The following SSBP2 variants were observed in gnomAD, a reference collection of about 807,000 sequenced individuals.
The protein encoded by SSBP2 is single-stranded DNA-binding protein 2.
Under a neutral mutation model 61.8 loss-of-function variants are expected in SSBP2, and 17 were observed. That is an observed-to-expected ratio of 0.28 (90% confidence interval 0.19 to 0.41). The LOEUF is 0.41. SSBP2 is among the 10% of genes least tolerant of loss of function. The pLI is 1.00. For missense variants in SSBP2, 310 were observed against 458.7 expected, an observed-to-expected ratio of 0.68 and a Z score of 2.96; for synonymous variants, 139 against 141.3, an observed-to-expected ratio of 0.98 and a Z score of 0.12.
chr5:81,466,889 T>G, intron 9 of SSBP2, 85 bp downstream of exon 9: 1 of 820,504 alleles, frequency 1.2e-6, no homozygotes, highest in South Asian at 3.3e-5. Flanking sequence ...ATAGAACACT[T>G]TACTAAATAG....
intron 10 of SSBP2, among the ~76,000 whole-genome samples, chr5:81,458,346 G>GT (rs1296909509): frequency 6.6e-6 from 1 of 152,114 alleles, no homozygotes; most frequent in Non-Finnish European, 1.5e-5. Context: ...TTATGTGTTA[G>GT]TTTTTTAGGA....
At chr5:81,482,318 G>C (rs1766052097) in intron 6 of SSBP2, among the ~76,000 whole-genome samples, 1 of 152,104 alleles carries the variant, frequency 6.6e-6, no homozygotes, top group Non-Finnish European at 1.5e-5. Flanking sequence ...AAGGTCACCA[G>C]TTGTATTACC....
chr5:81,593,929 T>A (rs1231270900), intron 4 of SSBP2, among the ~76,000 whole-genome samples: 1 of 152,168 alleles, frequency 6.6e-6, no homozygotes, highest in African/African-American at 2.4e-5. Flanking sequence ...AGAAACTGCA[T>A]CAACTAACGA....
At chr5:81,474,293 C>A (rs1175966448) in intron 7 of SSBP2, among the ~76,000 whole-genome samples, 1 of 152,062 alleles carries the variant, frequency 6.6e-6, no homozygotes, top group African/African-American at 2.4e-5. Context: ...CTCATGTATT[C>A]TTTTTCTTAT....
intron 1 of SSBP2, among the ~76,000 whole-genome samples, chr5:81,708,712 T>C (rs954851138): frequency 3.3e-5 from 5 of 151,990 alleles, no homozygotes; most frequent in African/African-American, 1.2e-4. Flanking sequence ...CTTTAGTCTG[T>C]ATGTATGGGC....
At chr5:81,701,109 T>C (rs1753952947) in intron 1 of SSBP2, among the ~76,000 whole-genome samples, 1 of 152,210 alleles carries the variant, frequency 6.6e-6, no homozygotes, top group Non-Finnish European at 1.5e-5. Context: ...TTTCTAGCTT[T>C]TGATTTAAAG....
chr5:81,677,502 C>T (rs551024144), intron 1 of SSBP2, among the ~76,000 whole-genome samples: 4 of 152,046 alleles, frequency 2.6e-5, no homozygotes, highest in African/African-American at 7.2e-5. Flanking sequence ...GGAGGCTCAG[C>T]GTGGACAAGT....
intron 4 of SSBP2, among the ~76,000 whole-genome samples, chr5:81,550,546 G>C (rs2154128947): frequency 6.6e-6 from 1 of 152,194 alleles, no homozygotes; most frequent in African/African-American, 2.4e-5. Flanking sequence ...TCCATTCTTT[G>C]ACCTTTGTTT....
At chr5:81,533,553 T>C (rs773864045) in intron 4 of SSBP2, among the ~76,000 whole-genome samples, 9 of 152,054 alleles carry the variant, frequency 5.9e-5, no homozygotes, top group South Asian at 2.1e-4. Context: ...TTACGCCATG[T>C]AAGAACTTGG....
chr5:81,509,598 T>A (rs912332170), intron 5 of SSBP2, among the ~76,000 whole-genome samples: 26 of 152,316 alleles, frequency 1.7e-4, no homozygotes, highest in African/African-American at 5.3e-4. Flanking sequence ...ATGTCTTTTT[T>A]AAATTTTTGG....
At chr5:81,427,941 T>C (rs1762054732) in intron 16 of SSBP2, among the ~76,000 whole-genome samples, 1 of 152,228 alleles carries the variant, frequency 6.6e-6, no homozygotes, top group Admixed American at 6.5e-5. Flanking sequence ...TTATATTACA[T>C]AGAACTCCTT....
chr5:81,688,038 C>T (rs1362087324), intron 1 of SSBP2, among the ~76,000 whole-genome samples: 3 of 152,118 alleles, frequency 2.0e-5, no homozygotes, highest in Admixed American at 6.5e-5. Context: ...AGTAGGGTAC[C>T]TGCTTGGCCC....
chr5:81,654,293 T>C (rs1750020597), intron 1 of SSBP2, among the ~76,000 whole-genome samples: 1 of 152,190 alleles, frequency 6.6e-6, no homozygotes, highest in Non-Finnish European at 1.5e-5. Flanking sequence ...TGTTTCTCTC[T>C]TAAATTGACC....
intron 1 of SSBP2, among the ~76,000 whole-genome samples, chr5:81,706,607 C>A (rs1371215888): frequency 2.6e-5 from 4 of 152,162 alleles, no homozygotes; most frequent in Non-Finnish European, 5.9e-5. Flanking sequence ...CTATTTTATA[C>A]AAGTTATTTC....
At chr5:81,494,644 A>G in intron 5 of SSBP2, among the ~76,000 whole-genome samples, 1 of 152,172 alleles carries the variant, frequency 6.6e-6, no homozygotes, top group East Asian at 1.9e-4. Flanking sequence ...TTGATCTTGG[A>G]CTTCCCAGCC....
chr5:81,734,832 G>A (rs780832254), intron 1 of SSBP2, among the ~76,000 whole-genome samples: 17 of 152,108 alleles, frequency 1.1e-4, no homozygotes, highest in Admixed American at 2.6e-4. Flanking sequence ...CTAGCCGGGC[G>A]TGGAGGTGGG....
intron 5 of SSBP2, among the ~76,000 whole-genome samples, chr5:81,503,576 T>C (rs1241695824): frequency 6.6e-6 from 1 of 152,186 alleles, no homozygotes. Flanking sequence ...ACTGTGGCAA[T>C]TCCTCAAAGA....
At chr5:81,588,046 T>C (rs1010217067) in intron 4 of SSBP2, among the ~76,000 whole-genome samples, 3 of 152,056 alleles carry the variant, frequency 2.0e-5, no homozygotes, top group Admixed American at 2.0e-4. Flanking sequence ...TTCACTGCAG[T>C]CTCAACATCC....
At chr5:81,483,258 C>T (rs1766133108) in intron 6 of SSBP2, among the ~76,000 whole-genome samples, 1 of 152,110 alleles carries the variant, frequency 6.6e-6, no homozygotes, top group Non-Finnish European at 1.5e-5. Flanking sequence ...CTAAATGGCA[C>T]TTACTGACTT....
Sources: gnomAD v4.1 joint callset for allele counts (sites outside exome capture counted in the v4.1 genomes callset) on GRCh38, gnomAD v4.1.1 for gene constraint, MANE v1.5 for transcripts, NCBI Gene and HGNC (gene_info 2026-07-23, HGNC 2026-07-21) for gene names.